SLIT3: variants seen among roughly 807,000 people sequenced by gnomAD.
SLIT3 encodes slit guidance ligand 3.
SLIT3 carries 68 observed loss-of-function variants against 184.0 expected under a neutral mutation model. The observed-to-expected ratio is 0.37, with a 90% CI of 0.30 to 0.45. The LOEUF (loss-of-function observed/expected upper bound fraction) is 0.45, where lower values mean the gene tolerates loss of function less well. Ranked by LOEUF, SLIT3 falls within the 20% of genes least tolerant of loss-of-function variation. The pLI, the probability that SLIT3 is intolerant of heterozygous loss-of-function variation, is 1.00. For synonymous variants in SLIT3, 831 were observed against 828.6 expected (o/e 1.00, Z -0.05); for missense variants, 1,707 against 2,026.0 (o/e 0.84, Z 3.02).
intron 21 of SLIT3, 92 bp from the exon 22 acceptor site, chr5:168,723,096 C>A: frequency 2.4e-6 from 2 of 840,470 alleles, no homozygotes; most frequent in South Asian, 1.4e-5. Flanking sequence ...GCCATCCACC[C>A]ACTCATCTAC....
chr5:168,723,769 G>C (rs1407180894), intron 21 of SLIT3, among the ~76,000 whole-genome samples: 1 of 152,140 alleles, frequency 6.6e-6, no homozygotes, highest in Non-Finnish European at 1.5e-5. Context: ...GAATCACCTG[G>C]GGAGCTTTTA....
rs537609787 is a variant in SLIT3, at chr5:168,699,018, G to T, written c.2942+1564C>A. On this transcript the variant is annotated intron_variant, in intron 27 of 35. Coordinates refer to ENST00000519560, the MANE Select transcript of SLIT3 (RefSeq NM_003062.4). ...CTGACCCCCCCAATCCCTCGCCTGG[G>T]TGGGGCAGCCCAGGCTGTGTGCCCT... Among the ~76,000 whole-genome samples, 9 of 152,360 alleles carry T rather than the reference G, an allele frequency of 5.9e-5. No homozygotes were observed. The South Asian group carries it at 1.9e-3, about 32-fold the overall frequency.
chr5:168,768,293 G>T (rs1159819889), intron 14 of SLIT3: 1 of 477,422 alleles, frequency 2.1e-6, no homozygotes, highest in East Asian at 6.5e-5. Context: ...AGAGAGGACA[G>T]GAGCGCTCAG....
chr5:168,817,800 A>C (rs905800), intron 7 of SLIT3, among the ~76,000 whole-genome samples: 68,669 of 151,936 alleles, frequency 0.45, 15,875 homozygotes, highest in East Asian at 0.6. Flanking sequence ...TCAAACTTAC[A>C]AAAGGGCTAT....
intron 4 of SLIT3, among the ~76,000 whole-genome samples, chr5:168,998,690 C>G (rs1280683236): frequency 7.0e-6 from 1 of 142,524 alleles, no homozygotes; most frequent in Non-Finnish European, 1.6e-5. Flanking sequence ...GGCGACAGAG[C>G]AAGACTCCAT....
At chr5:168,885,873 C>A in intron 4 of SLIT3, among the ~76,000 whole-genome samples, 1 of 152,118 alleles carries the variant, frequency 6.6e-6, no homozygotes, top group East Asian at 1.9e-4. Flanking sequence ...ATTTGCAATA[C>A]GGTGGGATGA....
rs1227945410 is a variant in SLIT3, at chr5:168,749,649, A to G, written c.1974-14T>C. ...GACAGGAGGTTTCTAGGAAGAGAGAAGGGTGCTTAGCCTCCATCCTTCTAC... is the reference window on the plus strand; with the variant it reads ...GACAGGAGGTTTCTAGGAAGAGAGAGGGGTGCTTAGCCTCCATCCTTCTAC... On this transcript the variant is annotated splice_polypyrimidine_tract_variant and intron_variant, in intron 18 of 35. Coordinates refer to ENST00000519560, the MANE Select transcript of SLIT3 (RefSeq NM_003062.4). 5.0e-6 allele frequency: 8 copies of G among 1,613,856 alleles called. No individual in the cohort carries two copies. The highest frequency in any genetic ancestry group is 6.8e-6 in the Non-Finnish European group (8 of 1,179,928).
At chr5:168,763,131 A>G (rs543485890) in intron 14 of SLIT3, among the ~76,000 whole-genome samples, 1 of 152,238 alleles carries the variant, frequency 6.6e-6, no homozygotes, top group Non-Finnish European at 1.5e-5. Context: ...CAAGATTTTG[A>G]TGATGCTTTG....
intron 4 of SLIT3, among the ~76,000 whole-genome samples, chr5:168,884,703 T>G (rs1040222433): frequency 4.0e-5 from 6 of 151,618 alleles, no homozygotes; most frequent in Middle Eastern, 3.4e-3. Flanking sequence ...TTTTAATGGT[T>G]GTATATCGTC....
At chr5:169,125,696 C>A (rs1360934970) in intron 4 of SLIT3, among the ~76,000 whole-genome samples, 1 of 152,148 alleles carries the variant, frequency 6.6e-6, no homozygotes, top group African/African-American at 2.4e-5. Context: ...TGCAGAGCAT[C>A]CCCTCCTACC....
intron 1 of SLIT3, among the ~76,000 whole-genome samples, chr5:169,299,071 C>T (rs1215266120): frequency 6.6e-6 from 1 of 152,134 alleles, no homozygotes; most frequent in African/African-American, 2.4e-5. Context: ...GATTCTAGCC[C>T]CTTTATTGCC....
At chr5:168,781,122 C>G (rs772489106) in intron 12 of SLIT3, among the ~76,000 whole-genome samples, 1 of 152,182 alleles carries the variant, frequency 6.6e-6, no homozygotes, top group Non-Finnish European at 1.5e-5. Context: ...TGCAGCAACA[C>G]CATTGGGCGG....
intron 4 of SLIT3, among the ~76,000 whole-genome samples, chr5:168,947,510 A>T (rs560107687): frequency 6.6e-6 from 1 of 152,216 alleles, no homozygotes; most frequent in Non-Finnish European, 1.5e-5. Context: ...ATAGGAAGAA[A>T]AAAAACAGGC....
At chr5:168,753,744 G>T in intron 17 of SLIT3, 120 bp downstream of exon 17, 1 of 1,172,192 alleles carries the variant, frequency 8.5e-7, no homozygotes, top group South Asian at 1.5e-5. Flanking sequence ...TCCAGGAAGA[G>T]AGGGATTCAG....
chr5:168,887,686 G>A (rs1760273263), intron 4 of SLIT3, among the ~76,000 whole-genome samples: 1 of 152,116 alleles, frequency 6.6e-6, no homozygotes, highest in Non-Finnish European at 1.5e-5. Context: ...AAACATCACA[G>A]TCCCACCTGG....
intron 4 of SLIT3, among the ~76,000 whole-genome samples, chr5:168,928,291 AT>A (rs753796709): frequency 3.2e-4 from 49 of 152,244 alleles, no homozygotes; most frequent in Non-Finnish European, 5.9e-4. Context: ...AAAAATAAAG[AT>A]TTTAATATGC....
At chr5:168,780,691 C>T (rs17665652) in intron 12 of SLIT3, among the ~76,000 whole-genome samples, 22,865 of 152,170 alleles carry the variant, frequency 0.15, 1,980 homozygotes, top group African/African-American at 0.25. Context: ...CCAAACCTTC[C>T]GCATTAATAT....
intron 4 of SLIT3, among the ~76,000 whole-genome samples, chr5:169,126,737 A>G (rs1266199580): frequency 6.6e-6 from 1 of 152,228 alleles, no homozygotes; most frequent in Non-Finnish European, 1.5e-5. Context: ...TCTTTCTTCT[A>G]ATCAGGCTGG....
At chr5:169,205,128 G>T (rs1340942922) in intron 3 of SLIT3, among the ~76,000 whole-genome samples, 1 of 152,198 alleles carries the variant, frequency 6.6e-6, no homozygotes, top group African/African-American at 2.4e-5. Context: ...CTCATTAAGC[G>T]GGTGAGGAAT....
Sources: allele counts gnomAD v4.1 joint callset (sites outside exome capture counted in the v4.1 genomes callset), GRCh38; gene constraint gnomAD v4.1.1; transcripts MANE v1.5; gene names NCBI Gene and HGNC (gene_info 2026-07-23, HGNC 2026-07-21).